Variants in CSGALNACT1 observed in about 807,000 individuals in gnomAD.
CSGALNACT1 encodes beta4GalNAcT-1.
CSGALNACT1 carries 52 observed loss-of-function variants against 51.0 expected under a neutral mutation model. The ratio of observed to expected loss-of-function variants is 1.02; its 90% confidence interval spans 0.82 to 1.29. The LOEUF is 1.29. Among genes scored for constraint, CSGALNACT1 ranks in the 50% most tolerant of loss-of-function variants. CSGALNACT1 has a pLI of 0.00. For synonymous variants in CSGALNACT1, 341 were observed against 254.4 expected (o/e 1.34, Z -3.24); for missense variants, 935 against 679.2 (o/e 1.38, Z -4.19).
chr8:19,489,633 C>G (rs924967720), intron 4 of CSGALNACT1, among the ~76,000 whole-genome samples: 1 of 152,120 alleles, frequency 6.6e-6, no homozygotes, highest in Non-Finnish European at 1.5e-5. Flanking sequence ...GGGGGAGACC[C>G]TGATGAATTA....
chr8:19,493,664 A>C (rs766231367), intron 4 of CSGALNACT1, among the ~76,000 whole-genome samples: 8 of 152,176 alleles, frequency 5.3e-5, no homozygotes, highest in Non-Finnish European at 1.0e-4. Flanking sequence ...GCAGCATGTT[A>C]TCAGTAATTC....
rs548268642 is a variant in CSGALNACT1 at position 19,743,009 on chromosome 8, T to A, written c.-297+14841A>T. Among the ~76,000 whole-genome samples, 15 of 152,290 alleles carry A rather than the reference T, an allele frequency of 9.8e-5. No individual in the cohort carries two copies. The South Asian group carries it at 2.7e-3, about 27-fold the overall frequency. ...TCCCTTCCCTTGTTTGATCTTTATT[T>A]CCCTGTTTTCATTCAGAGCCAGATC... On this transcript the variant is annotated intron_variant, in intron 1 of 1. Transcript: ENST00000517494.
intron 3 of CSGALNACT1, among the ~76,000 whole-genome samples, chr8:19,551,046 A>G (rs938206342): frequency 1.5e-4 from 23 of 152,348 alleles, no homozygotes; most frequent in Non-Finnish European, 2.9e-5. Context: ...GTCTTCTGGC[A>G]GAGCTTGTGG....
intron 1 of CSGALNACT1, among the ~76,000 whole-genome samples, chr8:19,748,204 A>C (rs1285639065): frequency 6.6e-6 from 1 of 152,200 alleles, no homozygotes; most frequent in African/African-American, 2.4e-5. Context: ...AAAAACTATT[A>C]CCTTTCCGGT....
intron 1 of CSGALNACT1, among the ~76,000 whole-genome samples, chr8:19,756,080 G>A (rs1563242387): frequency 1.3e-5 from 2 of 152,076 alleles, no homozygotes; most frequent in Admixed American, 6.5e-5. Flanking sequence ...CAAGTTTGAA[G>A]GACCTTTCTC....
intron 1 of CSGALNACT1, among the ~76,000 whole-genome samples, chr8:19,641,500 C>T (rs369526487): frequency 4.5e-4 from 68 of 152,236 alleles, no homozygotes; most frequent in African/African-American, 1.5e-3. Flanking sequence ...AGTCCTACTG[C>T]ATGGGAAACT....
intron 3 of CSGALNACT1, among the ~76,000 whole-genome samples, chr8:19,528,800 T>C (rs1414929768): frequency 2.0e-5 from 3 of 151,952 alleles, no homozygotes; most frequent in African/African-American, 7.3e-5. Context: ...CTAACAGTCT[T>C]TGGCTGGAGG....
chr8:19,493,093 C>G (rs112469144), intron 4 of CSGALNACT1, among the ~76,000 whole-genome samples: 1 of 150,328 alleles, frequency 6.7e-6, no homozygotes, highest in Non-Finnish European at 1.5e-5. Context: ...ATGTTTGCAA[C>G]AGATTCTTTA....
At position 19,719,280 on chromosome 8, in the gene CSGALNACT1, T is replaced by C. The variant is rs568943306; in HGVS notation, c.-297+38570A>G. On this transcript the variant is annotated intron_variant, in intron 1 of 1. Transcript: ENST00000517494. ...ATTTTTTTGGAAGGTAGGATGAAAG[T>C]GAGTGAGAAAAAGCTAGAATTCTTT... Among the ~76,000 whole-genome samples the C allele has an allele frequency of 8.5e-5, 13 of 152,286 alleles. No homozygotes were observed. In the East Asian group the frequency reaches 2.3e-3, roughly 27 times the overall value.
At chr8:19,586,995 A>G (rs893573338) in intron 3 of CSGALNACT1, among the ~76,000 whole-genome samples, 2 of 152,220 alleles carry the variant, frequency 1.3e-5, no homozygotes, top group African/African-American at 4.8e-5. Flanking sequence ...CTTGTCCTTC[A>G]ATAATGATTT....
chr8:19,447,777 T>G (rs936819908), intron 5 of CSGALNACT1, among the ~76,000 whole-genome samples: 4 of 152,222 alleles, frequency 2.6e-5, no homozygotes, highest in Admixed American at 6.5e-5. Context: ...GTCAAAGTGA[T>G]GCACACCCCT....
chr8:19,418,719 A>G (rs1412254275), exon 8 of CSGALNACT1: 1 of 1,612,970 alleles, frequency 6.2e-7, no homozygotes, highest in Non-Finnish European at 8.5e-7. Flanking sequence ...GATTGTACTG[A>G]CTGAAAAGAA....
At position 19,501,071 on chromosome 8, in the gene CSGALNACT1, G is replaced by A. The variant is rs1017601963; in HGVS notation, c.634+4130C>T. 5.3e-4 allele frequency among the ~76,000 whole-genome samples: 81 copies of A among 151,718 alleles called. 1 individual carries two copies. Among genetic ancestry groups the A allele is most frequent in the African/African-American group, 1.9e-3 (79 of 41,102 alleles). On this transcript the variant is annotated intron_variant, in intron 4 of 9. Coordinates refer to ENST00000454498, the Ensembl canonical transcript of CSGALNACT1. The stretch of plus-strand genomic sequence containing the variant: ...TCGAGACCAGCCTGGCCAACATGGG[G>A]AAAGCCCATCTCTACTAAAAATACA...
At chr8:19,562,139 C>A (rs935427599) in intron 3 of CSGALNACT1, among the ~76,000 whole-genome samples, 2 of 152,138 alleles carry the variant, frequency 1.3e-5, no homozygotes, top group South Asian at 2.1e-4. Context: ...CCCCCACAGA[C>A]CCCCCACAGC....
intron 1 of CSGALNACT1, among the ~76,000 whole-genome samples, chr8:19,670,763 G>T (rs979025688): frequency 6.6e-6 from 1 of 151,098 alleles, no homozygotes; most frequent in Non-Finnish European, 1.5e-5. Flanking sequence ...TGTGCTTAAA[G>T]CATTTCTATG....
chr8:19,661,443 T>A (rs1012375781), intron 1 of CSGALNACT1, among the ~76,000 whole-genome samples: 3 of 152,202 alleles, frequency 2.0e-5, no homozygotes, highest in African/African-American at 7.2e-5. Context: ...AAACTCTCAA[T>A]GAAAAACTGT....
At chr8:19,453,775 C>T (rs1021363628) in intron 5 of CSGALNACT1, among the ~76,000 whole-genome samples, 10 of 151,946 alleles carry the variant, frequency 6.6e-5, no homozygotes, top group Non-Finnish European at 1.3e-4. Flanking sequence ...AGCTGGGCGT[C>T]GTGTCATGCA....
intron 1 of CSGALNACT1, among the ~76,000 whole-genome samples, chr8:19,615,752 G>A (rs75034502): frequency 4.6e-5 from 7 of 152,146 alleles, no homozygotes; most frequent in Non-Finnish European, 4.4e-5. Context: ...AAAACAAGAA[G>A]AGGAGCAAGA....
At chr8:19,620,820 G>A (rs1275937745) in intron 1 of CSGALNACT1, among the ~76,000 whole-genome samples, 1 of 152,080 alleles carries the variant, frequency 6.6e-6, no homozygotes, top group Non-Finnish European at 1.5e-5. Flanking sequence ...TAACACTCTG[G>A]TATGTAGCCA....
Sources: allele counts gnomAD v4.1 joint callset (sites outside exome capture counted in the v4.1 genomes callset), GRCh38; gene constraint gnomAD v4.1.1; transcripts MANE v1.5; gene names NCBI Gene and HGNC (gene_info 2026-07-23, HGNC 2026-07-21).